Variants in PRKX observed in about 807,000 individuals in gnomAD.
PRKX encodes the protein protein kinase cAMP-dependent X-linked catalytic subunit, also known as cAMP-dependent protein kinase catalytic subunit PRKX.
A neutral mutation model predicts 22.0 loss-of-function variants in PRKX; 12 were observed. The observed-to-expected ratio is 0.54, with a 90% confidence interval of 0.35 to 0.88. The LOEUF is 0.88. PRKX is among the 40% of genes least tolerant of loss of function. The probability of loss-of-function intolerance (pLI) is 0.01; values close to 1 mark genes in which losing one functional copy is unlikely to be tolerated. For missense variants in PRKX, 217 were observed against 308.0 expected (o/e 0.70, Z 2.21); for synonymous variants, 134 against 137.7 (o/e 0.97, Z 0.19).
rs191958874 is a variant in PRKX, at chrX:3,623,231, A to T, written c.816-1915T>A. On this transcript the variant is annotated intron_variant, in intron 5 of 8. Transcript: ENST00000262848. ...GTTTGATGACCTTGAATTTTTTTTT[A>T]AATTTTTTTGGTGTTTGGCATGTAA... Among the ~76,000 whole-genome samples, 202 of 108,491 alleles carry T rather than the reference A, an allele frequency of 1.9e-3. 1 individual carries two copies. The highest frequency in any genetic ancestry group is 5.9e-3 in the African/African-American group (174 of 29,633). 94.2% of individuals were successfully genotyped at this position (108,491 alleles called of 115,157 possible).
At chrX:3,695,256 C>T (rs1328853924) in intron 1 of PRKX, among the ~76,000 whole-genome samples, 1 of 111,572 alleles carries the variant, frequency 9.0e-6, no homozygotes, top group Non-Finnish European at 1.9e-5. Flanking sequence ...TTTCAGCAGT[C>T]CCATATAAAG....
intron 1 of PRKX, among the ~76,000 whole-genome samples, chrX:3,703,669 G>GTTTTT (rs1242835644): frequency 1.6e-5 from 1 of 64,183 alleles, no homozygotes; most frequent in Non-Finnish European, 2.7e-5. Flanking sequence ...TTTTTTGGTT[G>GTTTTT]TTTTTTTTTT....
chrX:3,702,229 C>A (rs1372332838), intron 1 of PRKX, among the ~76,000 whole-genome samples: 3 of 112,443 alleles, frequency 2.7e-5, no homozygotes, highest in Non-Finnish European at 5.6e-5. Context: ...TCCCCCTCTG[C>A]CTGCCCATCC....
intron 7 of PRKX, among the ~76,000 whole-genome samples, 162 bp downstream of exon 7, chrX:3,615,653 A>T (rs781321912): frequency 2.7e-5 from 3 of 111,983 alleles, no homozygotes; most frequent in African/African-American, 9.7e-5. Flanking sequence ...TAAGACACTC[A>T]AAGAGTGGGG....
At chrX:3,692,677 A>G (rs1051447715) in intron 1 of PRKX, among the ~76,000 whole-genome samples, 13 of 110,118 alleles carry the variant, frequency 1.2e-4, no homozygotes, top group Admixed American at 9.7e-5. Context: ...ACAGGCACCC[A>G]CCACCACGCC....
chrX:3,626,319 A>C, intron 5 of PRKX, 100 bp downstream of exon 5: 1 of 607,274 alleles, frequency 1.6e-6, no homozygotes, highest in East Asian at 3.5e-5. Context: ...CAGCACATTT[A>C]ATAACACAAT....
At chrX:3,610,756 T>C (rs1926279329) in intron 8 of PRKX, among the ~76,000 whole-genome samples, 2 of 111,028 alleles carry the variant, frequency 1.8e-5, no homozygotes. Context: ...TTGAGGGGTC[T>C]CTATTAGAGA....
At chrX:3,686,732 A>G (rs1928187320) in intron 1 of PRKX, among the ~76,000 whole-genome samples, 1 of 109,747 alleles carries the variant, frequency 9.1e-6, no homozygotes, top group South Asian at 3.9e-4. Context: ...TAATTCTTGT[A>G]GTTTTAGTAG....
intron 3 of PRKX, among the ~76,000 whole-genome samples, chrX:3,647,847 A>G (rs1230161147): frequency 4.6e-5 from 5 of 109,038 alleles, no homozygotes; most frequent in Admixed American, 1.0e-4. Context: ...TCCAAACAGA[A>G]ACTCCATCCT....
Position 3,606,153 on chromosome X carries a change from T to C in PRKX, c.*2816A>G, listed in dbSNP as rs1303420757. Reference sequence around the variant, plus strand: ...AATATTGCCAACTCGTAAAATTACATGAAGCAAAGTAAATTTGTAATGTTT... The same window carrying C: ...AATATTGCCAACTCGTAAAATTACACGAAGCAAAGTAAATTTGTAATGTTT... On this transcript the variant is annotated 3_prime_UTR_variant, in exon 9 of 9. Transcript: ENST00000262848. 1 of 112,351 alleles carries C rather than the reference T, an allele frequency of 8.9e-6. No individual in the cohort carries two copies. Among genetic ancestry groups the C allele is most frequent in the Non-Finnish European group, 1.9e-5 (1 of 53,311 alleles). The allele number at this position is 112,351 out of a possible 1,213,427, so 9.3% of individuals were successfully genotyped here.
At chrX:3,707,705 G>A (rs1928712260) in intron 1 of PRKX, among the ~76,000 whole-genome samples, 1 of 111,074 alleles carries the variant, frequency 9.0e-6, no homozygotes, top group Non-Finnish European at 1.9e-5. Flanking sequence ...AGGAGAAACC[G>A]GCAGGACTTC....
chrX:3,627,370 G>A, intron 4 of PRKX, among the ~76,000 whole-genome samples: 1 of 89,618 alleles, frequency 1.1e-5, no homozygotes, highest in African/African-American at 4.3e-5. Flanking sequence ...AAACAAGAGT[G>A]AAACTCTGTC....
rs1365231960 is a variant in PRKX, at chrX:3,673,596, T to C, written c.335+1002A>G. On this transcript the variant is annotated intron_variant, in intron 2 of 8. Transcript: ENST00000262848. ...GGACCCAGATAAAGCAGAAGATGGA[T>C]AGGTGGACAGGAGAGGCATGGTAGC... Among the ~76,000 whole-genome samples, 4 of 109,460 alleles carry C rather than the reference T, an allele frequency of 3.7e-5. No individual in the cohort carries two copies. The South Asian group carries it at 1.2e-3, about 33-fold the overall frequency.
At chrX:3,610,865 G>T (rs1050518661) in intron 8 of PRKX, 2 of 111,852 alleles carry the variant, frequency 1.8e-5, no homozygotes, top group African/African-American at 6.5e-5. Context: ...GACACAATTT[G>T]TAAGATGTTA....
Position 3,620,083 on chromosome X carries a change from C to T in PRKX, c.873+1176G>A, listed in dbSNP as rs1459493028. ...ACACAAAAAGTTTGTGGAAATCATA[C>T]CTGATGCACAACTTTTAAAATCATC... is the stretch of plus-strand genomic sequence containing the variant. On this transcript the variant is annotated intron_variant, in intron 6 of 8. Coordinates refer to ENST00000262848, the MANE Select transcript of PRKX (RefSeq NM_005044.5). Among the ~76,000 whole-genome samples the T allele has an allele frequency of 1.3e-4, 15 of 111,809 alleles. No individual in the cohort carries two copies. In the East Asian group the frequency reaches 2.0e-3, roughly 15 times the overall value.
chrX:3,700,819 C>G (rs1480490885), intron 1 of PRKX, among the ~76,000 whole-genome samples: 1 of 110,900 alleles, frequency 9.0e-6, no homozygotes, highest in Non-Finnish European at 1.9e-5. Flanking sequence ...AGGCTAGTCT[C>G]GAACCCCTGG....
intron 8 of PRKX, 72 bp downstream of exon 8, chrX:3,612,105 A>G: frequency 9.8e-7 from 1 of 1,022,265 alleles, no homozygotes. Context: ...CCCACTCAGT[A>G]AACGCAGCCT....
At chrX:3,649,463 G>A (rs768564101) in intron 3 of PRKX, among the ~76,000 whole-genome samples, 2 of 97,271 alleles carry the variant, frequency 2.1e-5, no homozygotes, top group African/African-American at 3.8e-5. Flanking sequence ...ACAAGAGCCT[G>A]GTGAACGCAA....
chrX:3,689,697 G>A (rs770166985), intron 1 of PRKX, among the ~76,000 whole-genome samples: 9 of 111,569 alleles, frequency 8.1e-5, no homozygotes, highest in African/African-American at 2.6e-4. Context: ...GAATGAATGG[G>A]CTGGGCGCGG....
Sources: gnomAD v4.1 joint callset for allele counts (sites outside exome capture counted in the v4.1 genomes callset) on GRCh38, gnomAD v4.1.1 for gene constraint, MANE v1.5 for transcripts, NCBI Gene and HGNC (gene_info 2026-07-23, HGNC 2026-07-21) for gene names.